Variants in SLCO4A1 observed in about 807,000 individuals in gnomAD.
SLCO4A1 encodes solute carrier organic anion transporter family member 4A1.
SLCO4A1 carries 51 observed loss-of-function variants against 64.6 expected under a neutral mutation model. The observed-to-expected ratio is 0.79, with a 90% confidence interval of 0.63 to 1.00. The LOEUF is 1.00. Among genes scored for constraint, SLCO4A1 ranks in the 50% least tolerant of loss-of-function variants. SLCO4A1 has a pLI of 0.00. For missense variants in SLCO4A1, 919 were observed against 980.5 expected (o/e 0.94, Z 0.84); for synonymous variants, 471 against 444.9 (o/e 1.06, Z -0.74).
rs775734702 is a variant in SLCO4A1, at chr20:62,661,079, C to T, written c.1025C>T (p.Ala342Val). 42 of 1,611,910 alleles carry T rather than the reference C, an allele frequency of 2.6e-5. No homozygotes were observed. The highest frequency in any genetic ancestry group is 1.6e-4 in the Middle Eastern group (1 of 6,074). Residue 342 changes from alanine (A) to valine (V), a missense_variant, in exon 5 of 12, where the codon GCG becomes GTG. Transcript: ENST00000217159. This position sits in a 1 kb window ranked among gnomAD's most constrained non-coding sequence, Gnocchi z 5.2. ...GCCCTTCCAGGCTCCCAGCGCTACG[C>T]GGTCATGAGAGCGGCGGAAATGCAC... Reference protein sequence around the residue: ...PRQLPGSQRYAVMRAAEMHQL... With the variant: ...PRQLPGSQRYVVMRAAEMHQL...
At chr20:62,676,705 G>A (rs749839232), downstream of SLCO4A1, among the ~76,000 whole-genome samples, 3 of 152,194 alleles carry the variant, frequency 2.0e-5, no homozygotes. Flanking sequence ...CGGTAAAATG[G>A]CACAGCCGCT....
intron 7 of SLCO4A1, among the ~76,000 whole-genome samples, chr20:62,667,042 G>T: frequency 6.6e-6 from 1 of 152,232 alleles, no homozygotes; most frequent in East Asian, 1.9e-4. Flanking sequence ...CTGCCCTGCG[G>T]GCCCCGGGAG....
rs1011024033 is a variant in SLCO4A1 at position 62,678,089 on chromosome 20, G to C, written n.212-7352G>C. ...GAAGCTGGAGGAAGGGAAAACCTCAGAAGACAGGAACAGTAGGTTATGCAG... is the reference window on the plus strand; with the variant it reads ...GAAGCTGGAGGAAGGGAAAACCTCACAAGACAGGAACAGTAGGTTATGCAG... On this transcript the variant is annotated intron_variant and non_coding_transcript_variant, in intron 2 of 2. Coordinates refer to the SLCO4A1 transcript ENST00000466818. Among the ~76,000 whole-genome samples, 3 of 152,250 alleles carry C rather than the reference G, an allele frequency of 2.0e-5. No homozygotes were observed. The East Asian group carries it at 5.8e-4, about 29-fold the overall frequency.
At position 62,671,765 on chromosome 20, in the gene SLCO4A1, T is replaced by C. The variant is rs775434223; in HGVS notation, c.2041T>C (p.Phe681Leu). The C allele has an allele frequency of 2.5e-6, 4 of 1,613,416 alleles. No individual in the cohort carries two copies. The African/African-American group carries it at 5.3e-5, about 22-fold the overall frequency. ...CTCTCCCCAGGTGCTGGGCGTCCTC[T>C]TCTTTGCCATAGCCTGCTTCTTATA... ...GLLYKVLGVLFFAIACFLYKP... is the reference protein window; with the variant it reads ...GLLYKVLGVLLFAIACFLYKP... The change falls in exon 12 of 12, where the codon TTC becomes CTC. Residue 681 changes from phenylalanine (F) to leucine (L), a missense_variant. Phe to Leu is a conservative substitution (Grantham distance 22, BLOSUM62 0). Coordinates refer to ENST00000217159, the MANE Select transcript of SLCO4A1 (RefSeq NM_016354.4).
chr20:62,648,327 C>G (rs1981783499), intron 1 of SLCO4A1, among the ~76,000 whole-genome samples: 1 of 152,252 alleles, frequency 6.6e-6, no homozygotes, highest in African/African-American at 2.4e-5. Flanking sequence ...CAGATGTTCT[C>G]CCATGGACAG....
intron 1 of SLCO4A1, among the ~76,000 whole-genome samples, chr20:62,648,450 C>T (rs962579813): frequency 1.3e-5 from 2 of 152,184 alleles, no homozygotes; most frequent in East Asian, 3.9e-4. Flanking sequence ...GTCAGGGCTC[C>T]GGGCCTGGGC....
intron 5 of SLCO4A1, among the ~76,000 whole-genome samples, chr20:62,663,804 C>T (rs905234199): frequency 6.6e-6 from 1 of 152,174 alleles, no homozygotes; most frequent in African/African-American, 2.4e-5. Context: ...CAGAGAGAGC[C>T]GAGCCTCTCT....
chr20:62,672,752 CG>C (rs1555919060), downstream of SLCO4A1: 1 of 152,176 alleles, frequency 6.6e-6, no homozygotes, highest in Non-Finnish European at 1.5e-5. Context: ...TGATTATGTG[CG>C]GGGTCATAAG....
At chr20:62,664,800 A>G in intron 5 of SLCO4A1, 134 bp from the exon 6 acceptor site, 1 of 1,039,540 alleles carries the variant, frequency 9.6e-7, no homozygotes, top group Non-Finnish European at 1.4e-6. Flanking sequence ...GGTCTGGCCC[A>G]CTCTGACCCT....
At position 62,672,226 on chromosome 20, in the gene SLCO4A1, C is replaced by T; in HGVS notation, c.*333C>T. ...ACTGGGAGGGCGGTGGGCCTGCAGC[C>T]TGAGGAAGGCTTGTGTGTCCTCAGT... On this transcript the variant is annotated 3_prime_UTR_variant, in exon 12 of 12. Transcript: ENST00000217159. The T allele has an allele frequency of 7.9e-7, 1 of 1,269,008 alleles. No homozygotes were observed. Among genetic ancestry groups the T allele is most frequent in the Non-Finnish European group, 1.0e-6 (1 of 998,532 alleles). 78.6% of individuals were successfully genotyped at this position (1,269,008 alleles called of 1,614,324 possible). A position where few individuals can be genotyped will look rare whatever the true frequency, so the allele number is the denominator to read the frequency against.
chr20:62,658,475 G>A (rs1010679758), intron 2 of SLCO4A1, among the ~76,000 whole-genome samples: 2 of 152,260 alleles, frequency 1.3e-5, no homozygotes, highest in Non-Finnish European at 2.9e-5. Context: ...CTTTGAGGGG[G>A]ATTTTTAAAG....
chr20:62,668,001 G>GA lies in SLCO4A1; in HGVS notation c.1639-11_1639-10insA, dbSNP rs1486681892. On this transcript the variant is annotated splice_polypyrimidine_tract_variant and intron_variant, in intron 8 of 11. Transcript: ENST00000217159. ...TCCCCTTGTAATCGGAGCTATTGTT[G>GA]GGCTTCCCAGGTGTACCGAGACTGT... 1 of 1,613,998 alleles carries GA rather than the reference G, an allele frequency of 6.2e-7. No homozygotes were observed. The highest frequency in any genetic ancestry group is 1.7e-5 in the Admixed American group (1 of 60,026).
downstream of SLCO4A1, among the ~76,000 whole-genome samples, chr20:62,689,154 T>A (rs1988151707): frequency 6.6e-6 from 1 of 152,154 alleles, no homozygotes; most frequent in Admixed American, 6.5e-5. Flanking sequence ...TGGCCAGCTG[T>A]GCCCCGCGCC....
intron 1 of SLCO4A1, chr20:62,649,773 C>T (rs1041161973): frequency 6.6e-6 from 1 of 152,554 alleles, no homozygotes; most frequent in Admixed American, 6.5e-5. Context: ...TGCCTTTCAG[C>T]CTCACCCCAT....
intron 5 of SLCO4A1, 96 bp from the exon 6 acceptor site, chr20:62,664,838 G>A: frequency 7.4e-7 from 1 of 1,350,412 alleles, no homozygotes; most frequent in Non-Finnish European, 1.0e-6. Context: ...CCCGACCTCT[G>A]CCCACCACTC....
At chr20:62,646,890 C>T (rs1371445578) in intron 1 of SLCO4A1, among the ~76,000 whole-genome samples, 2 of 152,222 alleles carry the variant, frequency 1.3e-5, no homozygotes, top group African/African-American at 2.4e-5. Context: ...TGCACACACC[C>T]GTGGCTTCAC....
intron 11 of SLCO4A1, among the ~76,000 whole-genome samples, chr20:62,671,347 C>G (rs1025449025): frequency 3.3e-5 from 5 of 152,150 alleles, no homozygotes; most frequent in African/African-American, 1.2e-4. Flanking sequence ...TGCCTCAAGT[C>G]TTCCTCTCCT....
intron 2 of SLCO4A1, among the ~76,000 whole-genome samples, chr20:62,677,468 C>T (rs1436208533): frequency 6.6e-6 from 1 of 152,132 alleles, no homozygotes. Flanking sequence ...CATGTGTGGG[C>T]CCCATGTTCA....
At chr20:62,642,926 G>T in intron 1 of SLCO4A1, 7 of 454,414 alleles carry the variant, frequency 1.5e-5, no homozygotes, top group South Asian at 1.1e-4. Context: ...TGGGCAGGTG[G>T]CCCGGAGCGC....
Sources: gnomAD v4.1 joint callset for allele counts (sites outside exome capture counted in the v4.1 genomes callset) on GRCh38, gnomAD v4.1.1 for gene constraint, Gnocchi (gnomAD v3.1) non-coding constraint, MANE v1.5 for transcripts, NCBI Gene and HGNC (gene_info 2026-07-23, HGNC 2026-07-21) for gene names.